The following LIG1 variants were observed in gnomAD, a reference collection of about 807,000 sequenced individuals.
The protein encoded by LIG1 is ligase I, DNA, ATP-dependent.
LIG1 carries 70 observed loss-of-function variants against 115.7 expected under a neutral mutation model. The ratio of observed to expected loss-of-function variants is 0.60; its 90% CI spans 0.50 to 0.74. LIG1 has a LOEUF of 0.74. LIG1 is among the 30% of genes least tolerant of loss of function. The pLI is 0.00. For synonymous variants in LIG1, 487 were observed against 495.3 expected (o/e 0.98, Z 0.22); for missense variants, 1,115 against 1,225.6 (o/e 0.91, Z 1.35).
intron 18 of LIG1, among the ~76,000 whole-genome samples, chr19:48,131,892 T>C (rs956632670): frequency 1.3e-4 from 20 of 152,020 alleles, no homozygotes; most frequent in Admixed American, 5.2e-4. Flanking sequence ...CTCAACACTA[T>C]TTTGGAGATC....
intron 21 of LIG1, among the ~76,000 whole-genome samples, chr19:48,125,494 G>A (rs1166504048): frequency 6.7e-6 from 1 of 148,256 alleles, no homozygotes; most frequent in African/African-American, 2.6e-5. Context: ...GGACAGATGG[G>A]CCTAACGGAG....
intron 21 of LIG1, among the ~76,000 whole-genome samples, chr19:48,124,080 C>T (rs2122412336): frequency 6.6e-6 from 1 of 152,298 alleles, no homozygotes; most frequent in Non-Finnish European, 1.5e-5. Context: ...CTTTGAATTG[C>T]TTTTCTCTTT....
At position 48,150,106 on chromosome 19, in the gene LIG1, T is replaced by C; in HGVS notation, c.679A>G (p.Thr227Ala). 1.9e-6 allele frequency: 3 copies of C among 1,614,132 alleles called. No individual in the cohort carries two copies. The highest frequency in any genetic ancestry group is 2.5e-6 in the Non-Finnish European group (3 of 1,180,028). ...QTKPPRRAPKTLSSFFTPRKP... is the reference protein window; with the variant it reads ...QTKPPRRAPKALSSFFTPRKP... ...AACTCACTGAAGAAGCTGCTGAGCG[T>C]CTTGGGAGCTCTGCGGGGAGGCTTG... The change falls in exon 8 of 28, where the codon ACG becomes GCG. Residue 227 changes from threonine to alanine, a missense_variant. Coordinates refer to ENST00000263274, the MANE Select transcript of LIG1 (RefSeq NM_000234.3).
Position 48,157,054 on chromosome 19 carries a change from G to A in LIG1, c.330C>T (p.Pro110=). Residue 110 remains proline, a synonymous_variant, in exon 5 of 28, where the codon CCC becomes CCT. Transcript: ENST00000263274. ...GAATCCCTGATGGGGAACTGTCCAT[G>A]GGAGAGGTGTCAGAGAGGGAAGCAT... The part of the protein sequence containing the change: ...ENNASLSDTS[P]MDSSPSGIPK... The A allele has an allele frequency of 6.2e-7, 1 of 1,612,978 alleles. No homozygotes were observed. The highest frequency in any genetic ancestry group is 1.1e-5 in the South Asian group (1 of 91,066).
rs1295297150 is a variant in LIG1 at position 48,119,201 on chromosome 19, G to A, written c.2386-11C>T. Reference sequence around the variant, plus strand: ...GAAGCCAGTTCCAAGCTGCAGGGAGGAAGCGGGAGGTCAGAGGCTCAGCCA... The same window carrying A: ...GAAGCCAGTTCCAAGCTGCAGGGAGAAAGCGGGAGGTCAGAGGCTCAGCCA... On this transcript the variant is annotated splice_polypyrimidine_tract_variant and intron_variant, in intron 24 of 27. Coordinates refer to ENST00000263274, the MANE Select transcript of LIG1 (RefSeq NM_000234.3). The A allele has an allele frequency of 1.3e-6, 2 of 1,579,876 alleles. No individual in the cohort carries two copies. The highest frequency in any genetic ancestry group is 2.3e-5 in the East Asian group (1 of 42,584).
rs771946542 is a variant in LIG1, at chr19:48,161,459, C to A, written c.156G>T (p.Pro52=). The A allele has an allele frequency of 1.9e-6, 3 of 1,614,158 alleles. No homozygotes were observed. Among genetic ancestry groups the A allele is most frequent in the Non-Finnish European group, 2.5e-6 (3 of 1,180,028 alleles). ...WNGVVSESDS[P]VKRPGRKAAR... ...CCGCCTTCCTCCCTGGCCTCTTCAC[C>A]GGAGAGTCACTCTCGGACACCACTC... The change falls in exon 4 of 28, where the codon CCG becomes CCT. Residue 52 remains proline (P), a synonymous_variant. Coordinates refer to ENST00000263274, the MANE Select transcript of LIG1 (RefSeq NM_000234.3).
At chr19:48,165,795 T>C (rs1274960823) in intron 1 of LIG1, 172 bp from the exon 2 acceptor site, 1 of 645,136 alleles carries the variant, frequency 1.6e-6, no homozygotes, top group South Asian at 1.7e-5. Context: ...TGAGATTTAC[T>C]GGTGCAGAAT....
intron 9 of LIG1, 66 bp from the exon 10 acceptor site, chr19:48,144,029 A>G (rs543862283): frequency 8.7e-6 from 11 of 1,259,256 alleles, no homozygotes; most frequent in South Asian, 6.0e-5. Context: ...ATTCCTTCCA[A>G]CTGTGATGTG....
Position 48,149,849 on chromosome 19 carries a change from T to C in LIG1, c.698-8A>G. 1 of 1,613,576 alleles carries C rather than the reference T, an allele frequency of 6.2e-7. No homozygotes were observed. The highest frequency in any genetic ancestry group is 8.5e-7 in the Non-Finnish European group (1 of 1,179,828). On this transcript the variant is annotated splice_region_variant and splice_polypyrimidine_tract_variant and intron_variant, in intron 8 of 27. Transcript: ENST00000263274. ...CTGCTGGCTTCCGGGGGGCTAGGAA[T>C]GAAGACAGAAAACAGTGGGTCTTTT...
At position 48,150,258 on chromosome 19, in the gene LIG1, ACTTTTTTTTT is replaced by A. The variant is rs777355668; in HGVS notation, c.575-58_575-49del. ...GTGATGCAAACTCTTTGACCCTGAGACTTTTTTTTTCTTTTTTTTTACCCCCAAGATCATT... is the reference window on the plus strand; with the variant it reads ...GTGATGCAAACTCTTTGACCCTGAGACTTTTTTTTTACCCCCAAGATCATT... On this transcript the variant is annotated intron_variant, in intron 7 of 27. Transcript: ENST00000263274. 16 of 1,609,884 alleles carry A rather than the reference ACTTTTTTTTT, an allele frequency of 9.9e-6. No individual in the cohort carries two copies. The East Asian group carries it at 3.3e-4, about 34-fold the overall frequency.
chr19:48,136,059 T>G lies in LIG1; in HGVS notation c.1398A>C (p.Ala466=), dbSNP rs1220845479. The change falls in exon 15 of 28, where the codon GCA becomes GCC. Residue 466 remains alanine (A), a synonymous_variant. Transcript: ENST00000263274. ...EQSVLAALSQ[A]VSLTPPGQEF... is the part of the protein sequence containing the mutation. Reference sequence around the variant, plus strand: ...CTTGGCCCGGGGGCGTGAGGCTCACTGCCTGGGAGAGGGCAGCCAGCACCG... The same window carrying G: ...CTTGGCCCGGGGGCGTGAGGCTCACGGCCTGGGAGAGGGCAGCCAGCACCG... The G allele has an allele frequency of 6.4e-7, 1 of 1,569,552 alleles. No homozygotes were observed. Among genetic ancestry groups the G allele is most frequent in the African/African-American group, 1.4e-5 (1 of 73,846 alleles).
rs376428006 is a variant in LIG1, at chr19:48,136,041, C to A, written c.1416G>T (p.Pro472=). Residue 472 remains proline (P), a synonymous_variant, in exon 15 of 28, where the codon CCG becomes CCT. Coordinates refer to ENST00000263274, the MANE Select transcript of LIG1 (RefSeq NM_000234.3). ...ALSQAVSLTP[P]GQEFPPAMVD... ...CGGGCCACAGGAGCTCACCTTGGCC[C>A]GGGGGCGTGAGGCTCACTGCCTGGG... 1.2e-5 allele frequency: 19 copies of A among 1,563,546 alleles called. No homozygotes were observed. In the South Asian group the frequency reaches 2.0e-4, roughly 16 times the overall value.
At chr19:48,142,443 A>AAAAAAAAAAAAAAAAAAAC (rs753226952) in intron 11 of LIG1, among the ~76,000 whole-genome samples, 11 of 82,496 alleles carry the variant, frequency 1.3e-4, no homozygotes, top group African/African-American at 8.0e-4. Flanking sequence ...ACTCCATCTC[A>AAAAAAAAAAAAAAAAAAAC]AAAAAAAAAA....
At chr19:48,131,035 C>T (rs1442722831) in intron 19 of LIG1, 41 bp downstream of exon 19, 1 of 1,548,956 alleles carries the variant, frequency 6.5e-7, no homozygotes, top group East Asian at 2.2e-5. Context: ...CACCCCTGAC[C>T]ACAGACCCTG....
At chr19:48,128,723 T>C (rs2033832930) in intron 19 of LIG1, among the ~76,000 whole-genome samples, 1 of 152,242 alleles carries the variant, frequency 6.6e-6, no homozygotes, top group East Asian at 1.9e-4. Context: ...ATTCATGTTG[T>C]ATCCTGGAGC....
At chr19:48,116,726 CCA>C (rs1166201817) in intron 26 of LIG1, among the ~76,000 whole-genome samples, 1 of 152,186 alleles carries the variant, frequency 6.6e-6, no homozygotes, top group African/African-American at 2.4e-5. Context: ...ACGCTGATGA[CCA>C]CACAGTGCCC....
chr19:48,143,888 G>C lies in LIG1; in HGVS notation c.852C>G (p.Gly284=). The change falls in exon 10 of 28, where the codon GGC becomes GGG. Residue 284 remains glycine (G), a synonymous_variant. Transcript: ENST00000263274. ...TGAAAAGGGAGAAACCTCACTTCTG[G>C]CCCGGTTTCCAGCAGGCATCTTCCA... ...HPVEDACWKP[G]QKVPYLAVAR... is the part of the protein sequence containing the mutation. The C allele has an allele frequency of 6.2e-7, 1 of 1,613,110 alleles. No individual in the cohort carries two copies. Among genetic ancestry groups the C allele is most frequent in the Non-Finnish European group, 8.5e-7 (1 of 1,179,136 alleles).
At chr19:48,162,148 C>T in intron 3 of LIG1, 114 bp downstream of exon 3, 1 of 946,784 alleles carries the variant, frequency 1.1e-6, no homozygotes, top group Non-Finnish European at 1.7e-6. Flanking sequence ...GGCCACCTGG[C>T]TGAAAAAGTT....
rs144218890 is a variant in LIG1 at position 48,155,967 on chromosome 19, G to A, written c.370+1047C>T. On this transcript the variant is annotated intron_variant, in intron 5 of 27. Transcript: ENST00000263274. ...TCAGCTCCCCTGTCACACTCACCAC[G>A]CTAAAGCGCTCAATAGGCTAGACCG... Among the ~76,000 whole-genome samples, 43 of 152,306 alleles carry A rather than the reference G, an allele frequency of 2.8e-4. No homozygotes were observed. In the East Asian group the frequency reaches 5.0e-3, roughly 18 times the overall value.
Sources: allele counts gnomAD v4.1 joint callset (sites outside exome capture counted in the v4.1 genomes callset), GRCh38; gene constraint gnomAD v4.1.1; transcripts MANE v1.5; gene names NCBI Gene and HGNC (gene_info 2026-07-23, HGNC 2026-07-21).